Variants in MAP3K5 observed in about 807,000 individuals in gnomAD.
The protein encoded by MAP3K5 is ASK-1.
Under a neutral mutation model 158.7 loss-of-function variants are expected in MAP3K5, and 56 were observed. The ratio of observed to expected loss-of-function variants is 0.35; its 90% CI spans 0.28 to 0.44. The LOEUF (loss-of-function observed/expected upper bound fraction) is 0.44, where lower values mean the gene tolerates loss of function less well. MAP3K5 is among the 20% of genes least tolerant of loss of function. MAP3K5 has a pLI of 1.00. For synonymous variants in MAP3K5, 579 were observed against 601.7 expected, an observed-to-expected ratio of 0.96 and a Z score of 0.55; for missense variants, 1,294 against 1,674.8, an observed-to-expected ratio of 0.77 and a Z score of 3.97.
In MAP3K5 at chr6:136,589,715, G is replaced by A. The variant is rs373402977; in HGVS notation, c.3225+2458C>T. On this transcript the variant is annotated intron_variant, in intron 23 of 29. Transcript: ENST00000359015. ...GTATCAGAAGAGGAAGAGACACCAG[G>A]GCTGCAAGTGCACCAGAAAAGGCCA... Among the ~76,000 whole-genome samples, 54 of 152,218 alleles carry A rather than the reference G, an allele frequency of 3.5e-4. 1 individual carries two copies. In the South Asian group the frequency reaches 4.8e-3, roughly 13 times the overall value.
chr6:136,563,579 G>C (rs1830610530), intron 26 of MAP3K5, among the ~76,000 whole-genome samples: 1 of 152,126 alleles, frequency 6.6e-6, no homozygotes, highest in Non-Finnish European at 1.5e-5. Context: ...TCAGTTCCTA[G>C]TTGGCATCTG....
intron 7 of MAP3K5, among the ~76,000 whole-genome samples, chr6:136,685,303 G>C (rs1780101407): frequency 6.6e-6 from 1 of 152,098 alleles, no homozygotes; most frequent in Non-Finnish European, 1.5e-5. Flanking sequence ...GGATGACAGA[G>C]CAAGATCCTG....
chr6:136,786,800 CTTTTTTT>C (rs11296757), intron 1 of MAP3K5, among the ~76,000 whole-genome samples: 9 of 101,140 alleles, frequency 8.9e-5, no homozygotes, highest in Admixed American at 2.2e-4. Context: ...TTAAGTTCTT[CTTTTTTT>C]TTTTTTTTTT....
chr6:136,604,960 T>C (rs535644840), intron 19 of MAP3K5, among the ~76,000 whole-genome samples: 1 of 152,340 alleles, frequency 6.6e-6, no homozygotes, highest in East Asian at 1.9e-4. Flanking sequence ...TACTGCGTTG[T>C]TAAAAGGTGG....
At chr6:136,707,739 T>A (rs1193518872) in intron 2 of MAP3K5, among the ~76,000 whole-genome samples, 1 of 152,250 alleles carries the variant, frequency 6.6e-6, no homozygotes, top group Admixed American at 6.5e-5. Context: ...AGGTGAGTGA[T>A]ATGTTCAAAG....
intron 7 of MAP3K5, among the ~76,000 whole-genome samples, chr6:136,687,403 C>T (rs1416529700): frequency 6.6e-6 from 1 of 152,058 alleles, no homozygotes; most frequent in Non-Finnish European, 1.5e-5. Context: ...GCAATGGCAA[C>T]AAAAGCCAAA....
chr6:136,579,005 T>C (rs899113582), intron 25 of MAP3K5, among the ~76,000 whole-genome samples: 2 of 151,242 alleles, frequency 1.3e-5, no homozygotes, highest in African/African-American at 4.9e-5. Flanking sequence ...ACTTCATCTC[T>C]ACTTAAAAAA....
At chr6:136,780,052 C>T (rs188890404) in intron 1 of MAP3K5, among the ~76,000 whole-genome samples, 1 of 152,124 alleles carries the variant, frequency 6.6e-6, no homozygotes, top group Non-Finnish European at 1.5e-5. Context: ...GAAGAGTTGT[C>T]AAAGACTTGG....
chr6:136,632,044 G>A (rs1267162613), intron 14 of MAP3K5, among the ~76,000 whole-genome samples: 1 of 152,166 alleles, frequency 6.6e-6, no homozygotes, highest in African/African-American at 2.4e-5. Context: ...GTCACTAAGT[G>A]GGACTGAGGA....
chr6:136,616,685 G>C (rs1776579184), intron 15 of MAP3K5, among the ~76,000 whole-genome samples: 1 of 151,860 alleles, frequency 6.6e-6, no homozygotes, highest in Non-Finnish European at 1.5e-5. Context: ...AGAAAAATCT[G>C]AAACAATCAA....
At chr6:136,757,589 T>TATTTA (rs200207142) in intron 1 of MAP3K5, among the ~76,000 whole-genome samples, 5 of 141,488 alleles carry the variant, frequency 3.5e-5, no homozygotes, top group African/African-American at 1.3e-4. Context: ...ATTTTTTATT[T>TATTTA]TTTTTTTTTT....
chr6:136,600,278 C>T (rs1016282836), intron 21 of MAP3K5, among the ~76,000 whole-genome samples: 28 of 151,036 alleles, frequency 1.9e-4, no homozygotes, highest in African/African-American at 6.6e-4. Flanking sequence ...ACAACCTCCA[C>T]CACCCCAGTC....
chr6:136,669,148 A>C (rs1182029588), intron 8 of MAP3K5, 135 bp downstream of exon 8: 2 of 687,872 alleles, frequency 2.9e-6, no homozygotes, highest in Non-Finnish European at 5.2e-6. Flanking sequence ...AAGGAGATAT[A>C]ATAAGTTTCT....
rs563401759 is a variant in MAP3K5, at chr6:136,773,850, G to A, written c.448+17860C>T. ...TTTAGTAAAGATGGGGTTTCTCCAC[G>A]TTGGCCAGGCTGGTCTCAAACACCT... On this transcript the variant is annotated intron_variant, in intron 1 of 29. Transcript: ENST00000359015. Among the ~76,000 whole-genome samples, 83 of 152,012 alleles carry A rather than the reference G, an allele frequency of 5.5e-4. 3 individuals are homozygous for A. Among genetic ancestry groups the A allele is most frequent in the South Asian group, 4.1e-4 (2 of 4,820 alleles).
chr6:136,701,398 C>T (rs1035744686), intron 3 of MAP3K5, among the ~76,000 whole-genome samples: 16 of 152,224 alleles, frequency 1.1e-4, no homozygotes, highest in African/African-American at 3.4e-4. Flanking sequence ...CCAAACCTCA[C>T]TTCCAGTTAA....
At chr6:136,621,310 C>G (rs541055007) in intron 15 of MAP3K5, among the ~76,000 whole-genome samples, 1 of 152,236 alleles carries the variant, frequency 6.6e-6, no homozygotes, top group South Asian at 2.1e-4. Context: ...TCTGAGCTTA[C>G]ATTACCATCT....
At chr6:136,737,651 T>G (rs1782533557) in intron 1 of MAP3K5, among the ~76,000 whole-genome samples, 1 of 152,190 alleles carries the variant, frequency 6.6e-6, no homozygotes, top group Non-Finnish European at 1.5e-5. Flanking sequence ...AATTAAGAAC[T>G]CCCTTTACTC....
At chr6:136,642,877 A>T (rs991038067) in intron 11 of MAP3K5, among the ~76,000 whole-genome samples, 2 of 152,224 alleles carry the variant, frequency 1.3e-5, no homozygotes, top group African/African-American at 4.8e-5. Context: ...TAAGTAAAAA[A>T]AGTCAATGAT....
chr6:136,575,154 C>T (rs1774555210), intron 25 of MAP3K5, among the ~76,000 whole-genome samples: 1 of 148,748 alleles, frequency 6.7e-6, no homozygotes. Flanking sequence ...AACATTGATA[C>T]AATACTATTT....
Sources: gnomAD v4.1 joint callset for allele counts (sites outside exome capture counted in the v4.1 genomes callset) on GRCh38, gnomAD v4.1.1 for gene constraint, MANE v1.5 for transcripts, NCBI Gene and HGNC (gene_info 2026-07-23, HGNC 2026-07-21) for gene names.